The following ARHGEF38 variants were observed in gnomAD, a reference collection of about 807,000 sequenced individuals.
ARHGEF38 encodes the protein Rho guanine nucleotide exchange factor 38, also known as Rho guanine nucleotide exchange factor (GEF) 38.
ARHGEF38 carries 79 observed loss-of-function variants against 79.9 expected under a neutral mutation model. That is an observed-to-expected ratio of 0.99 (90% confidence interval 0.82 to 1.19). ARHGEF38 has a LOEUF of 1.19. Among genes scored for constraint, ARHGEF38 ranks in the 50% most tolerant of loss-of-function variants. ARHGEF38 has a pLI of 0.00. For synonymous variants in ARHGEF38, 366 were observed against 328.3 expected (o/e 1.11, Z -1.24); for missense variants, 962 against 907.2 (o/e 1.06, Z -0.78).
intron 1 of ARHGEF38, among the ~76,000 whole-genome samples, chr4:105,569,564 T>G (rs2110418730): frequency 6.6e-6 from 1 of 152,254 alleles, no homozygotes; most frequent in Non-Finnish European, 1.5e-5. Context: ...TTTTGAGAGG[T>G]TTCTGGTATG....
intron 2 of ARHGEF38, among the ~76,000 whole-genome samples, chr4:105,592,494 A>G (rs773542103): frequency 4.0e-5 from 6 of 151,696 alleles, no homozygotes; most frequent in East Asian, 1.9e-4. Context: ...TTTAATTTCT[A>G]TGGGTCCTTC....
Position 105,626,446 on chromosome 4 carries a change from A to G in ARHGEF38, c.509-4452A>G, listed in dbSNP as rs529634826. ...CATTTAATCTGCAAACAACCCTACTATTATTATCTGCATTTTACAGATGAG... is the reference window on the plus strand; with the variant it reads ...CATTTAATCTGCAAACAACCCTACTGTTATTATCTGCATTTTACAGATGAG... On this transcript the variant is annotated intron_variant, in intron 3 of 13. Transcript: ENST00000420470. Among the ~76,000 whole-genome samples, 4 of 152,242 alleles carry G rather than the reference A, an allele frequency of 2.6e-5. No homozygotes were observed. The East Asian group carries it at 7.7e-4, about 29-fold the overall frequency.
chr4:105,628,227 T>G (rs1381521621), intron 3 of ARHGEF38, among the ~76,000 whole-genome samples: 7 of 152,246 alleles, frequency 4.6e-5, no homozygotes, highest in Non-Finnish European at 7.3e-5. Flanking sequence ...CTTACCTCTT[T>G]CCTTTTTTGG....
intron 1 of ARHGEF38, among the ~76,000 whole-genome samples, chr4:105,583,824 G>A (rs941712074): frequency 3.3e-5 from 5 of 152,032 alleles, no homozygotes; most frequent in African/African-American, 1.2e-4. Flanking sequence ...ATCCATATGA[G>A]AGCCAGTTAG....
At chr4:105,617,519 G>A (rs1055712074) in intron 3 of ARHGEF38, among the ~76,000 whole-genome samples, 43 of 152,086 alleles carry the variant, frequency 2.8e-4, no homozygotes, top group African/African-American at 8.2e-4. Context: ...CTTTCCTGCT[G>A]GTCATTAATC....
In ARHGEF38 at chr4:105,636,403, G is replaced by C. The variant is rs961596829; in HGVS notation, c.657G>C (p.Lys219Asn). The C allele has an allele frequency of 4.1e-5, 18 of 441,402 alleles. No individual in the cohort carries two copies. Among genetic ancestry groups the C allele is most frequent in the Non-Finnish European group, 6.1e-5 (18 of 294,152 alleles). 27.3% of individuals were successfully genotyped at this position (441,402 alleles called of 1,614,324 possible). ...TTACTTTCTTTTTCTTCTCTTACAG[G>C]AAAATATACATGCAAGAGTAAGTAC... Reference protein sequence around the residue: ...EHLSHCIQSLKKIYMQEGKPN... With the variant: ...EHLSHCIQSLNKIYMQEGKPN... The change falls in exon 5 of 14, where the codon AAG (lysine) becomes AAC (asparagine). Residue 219 changes from lysine to asparagine, a missense_variant and splice_region_variant. Coordinates refer to ENST00000420470, the MANE Select transcript of ARHGEF38 (RefSeq NM_001242729.2).
intron 2 of ARHGEF38, among the ~76,000 whole-genome samples, chr4:105,598,877 T>C (rs889095385): frequency 2.6e-5 from 4 of 152,140 alleles, no homozygotes; most frequent in African/African-American, 9.7e-5. Flanking sequence ...AGGTTAAAAA[T>C]GTGAAATGTT....
chr4:105,677,741 T>C lies in ARHGEF38; in HGVS notation c.2149-11T>C. 2 of 1,411,718 alleles carry C rather than the reference T, an allele frequency of 1.4e-6. No individual in the cohort carries two copies. Among genetic ancestry groups the C allele is most frequent in the Non-Finnish European group, 1.9e-6 (2 of 1,074,358 alleles). The allele number at this position is 1,411,718 out of a possible 1,614,324, so 87.4% of individuals were successfully genotyped here. On this transcript the variant is annotated splice_polypyrimidine_tract_variant and intron_variant, in intron 13 of 13. Transcript: ENST00000420470. ...TCCAATTCCAATAATGTCTTTTGTT[T>C]CTTTGTCTAGATTTTCTATGCAGTT...
At chr4:105,608,936 T>C (rs1379756532) in intron 2 of ARHGEF38, among the ~76,000 whole-genome samples, 2 of 152,112 alleles carry the variant, frequency 1.3e-5, no homozygotes, top group Non-Finnish European at 2.9e-5. Context: ...GGTTTGCAAA[T>C]GTATTCTCTT....
rs1578287097 is a variant in ARHGEF38, at chr4:105,590,781, A to G, written c.384+1346A>G. Among the ~76,000 whole-genome samples, 3 of 152,326 alleles carry G rather than the reference A, an allele frequency of 2.0e-5. No homozygotes were observed. The East Asian group carries it at 5.8e-4, about 29-fold the overall frequency. ...TTCATTCCTATTAATAATGATTCAG[A>G]GAGCATTTTCTCTGCATCCTCTTTA... On this transcript the variant is annotated intron_variant, in intron 2 of 13. Coordinates refer to ENST00000420470, the MANE Select transcript of ARHGEF38 (RefSeq NM_001242729.2).
intron 13 of ARHGEF38, among the ~76,000 whole-genome samples, chr4:105,676,272 T>C (rs1025356083): frequency 6.6e-6 from 1 of 152,216 alleles, no homozygotes; most frequent in African/African-American, 2.4e-5. Context: ...TTCATCTCCG[T>C]ACCTTCAAAT....
At chr4:105,607,739 G>A (rs1728112965) in intron 2 of ARHGEF38, among the ~76,000 whole-genome samples, 1 of 152,022 alleles carries the variant, frequency 6.6e-6, no homozygotes, top group Non-Finnish European at 1.5e-5. Flanking sequence ...TCTTCTTTGG[G>A]TCATAGATAA....
At chr4:105,590,057 G>T (rs1265177597) in intron 2 of ARHGEF38, among the ~76,000 whole-genome samples, 3 of 126,132 alleles carry the variant, frequency 2.4e-5, no homozygotes, top group Non-Finnish European at 5.0e-5. Context: ...AAGAGAGAAA[G>T]AAAGAAAAAG....
intron 1 of ARHGEF38, among the ~76,000 whole-genome samples, chr4:105,570,885 C>G (rs1293074576): frequency 6.6e-6 from 1 of 152,086 alleles, no homozygotes; most frequent in East Asian, 1.9e-4. Flanking sequence ...ACAGATGAAC[C>G]TTGATTACAT....
chr4:105,582,131 C>G (rs939287911), intron 1 of ARHGEF38, among the ~76,000 whole-genome samples: 12 of 139,212 alleles, frequency 8.6e-5, no homozygotes, highest in African/African-American at 3.2e-4. Context: ...TGCCACTGCA[C>G]TCCAGCCTGG....
At chr4:105,614,635 T>C (rs1193457609) in intron 3 of ARHGEF38, among the ~76,000 whole-genome samples, 1 of 152,154 alleles carries the variant, frequency 6.6e-6, no homozygotes, top group Non-Finnish European at 1.5e-5. Flanking sequence ...CACAGATAGG[T>C]TTAAATTCAA....
chr4:105,553,001 C>G (rs1336510784), intron 1 of ARHGEF38, 40 bp downstream of exon 1: 1 of 1,490,438 alleles, frequency 6.7e-7, no homozygotes, highest in Non-Finnish European at 9.1e-7. Flanking sequence ...TACTGCACTC[C>G]CAGCTCCATT....
rs753128261 is a variant in ARHGEF38, at chr4:105,667,465, C to T, written c.1910C>T (p.Ser637Phe). Reference protein sequence around the residue: ...DTGNVKGYVYSSFLKPYNPAK... With the variant: ...DTGNVKGYVYFSFLKPYNPAK... ...CCAGATGTGAAAGGATATGTTTATT[C>T]CTCCTTCCTAAAACCCTACAATCCA... Residue 637 changes from serine to phenylalanine, a missense_variant, in exon 13 of 14, where the codon TCC (serine) becomes TTC (phenylalanine). Ser to Phe is a radical substitution (Grantham distance 155). Transcript: ENST00000420470. 106 of 1,535,990 alleles carry T rather than the reference C, an allele frequency of 6.9e-5. 1 individual carries two copies. In the Middle Eastern group the frequency reaches 3.5e-3, roughly 51 times the overall value.
At chr4:105,589,996 C>A (rs1300661568) in intron 2 of ARHGEF38, among the ~76,000 whole-genome samples, 3 of 149,472 alleles carry the variant, frequency 2.0e-5, no homozygotes, top group Admixed American at 6.7e-5. Flanking sequence ...CCAAATCGCG[C>A]CATTGCACTG....
Sources: gnomAD v4.1 joint callset for allele counts (sites outside exome capture counted in the v4.1 genomes callset) on GRCh38, gnomAD v4.1.1 for gene constraint, MANE v1.5 for transcripts, NCBI Gene and HGNC (gene_info 2026-07-23, HGNC 2026-07-21) for gene names.